ARL13B: variants seen among roughly 807,000 people sequenced by gnomAD.
ARL13B encodes ARF like GTPase 13B.
Under a neutral mutation model 56.1 loss-of-function variants are expected in ARL13B, and 36 were observed. That is an observed-to-expected ratio of 0.64 (90% CI 0.49 to 0.85). ARL13B has a LOEUF of 0.85. Ranked by LOEUF, ARL13B falls within the 40% of genes least tolerant of loss-of-function variation. The pLI is 0.00. For synonymous variants in ARL13B, 178 were observed against 171.1 expected, an observed-to-expected ratio of 1.04 and a Z score of -0.32; for missense variants, 519 against 507.1, an observed-to-expected ratio of 1.02 and a Z score of -0.23.
chr3:93,981,797 C>A (rs1710228463), intron 1 of ARL13B, among the ~76,000 whole-genome samples: 1 of 140,180 alleles, frequency 7.1e-6, no homozygotes, highest in Non-Finnish European at 1.5e-5. Context: ...TCACTTGAGC[C>A]TGGGAGGCGG....
At chr3:94,049,225 C>T (rs1487446636) in intron 7 of ARL13B, among the ~76,000 whole-genome samples, 181 bp from the exon 8 acceptor site, 1 of 152,134 alleles carries the variant, frequency 6.6e-6, no homozygotes, top group African/African-American at 2.4e-5. Context: ...TAAGCCATCA[C>T]TTAAAAAATA....
At chr3:94,022,224 A>C (rs545365068) in intron 3 of ARL13B, among the ~76,000 whole-genome samples, 1 of 152,054 alleles carries the variant, frequency 6.6e-6, no homozygotes, top group East Asian at 1.9e-4. Context: ...CCCTGGTTCA[A>C]GTGATTTCTC....
intron 1 of ARL13B, among the ~76,000 whole-genome samples, chr3:93,992,715 T>G (rs1480809210): frequency 6.6e-6 from 1 of 152,226 alleles, no homozygotes; most frequent in Non-Finnish European, 1.5e-5. Context: ...TGAGTTAGCT[T>G]TAATATTAGC....
chr3:94,035,449 T>TG lies in ARL13B; in HGVS notation c.486+13_486+14insG. The TG allele has an allele frequency of 6.5e-7, 1 of 1,547,578 alleles. No homozygotes were observed. Among genetic ancestry groups the TG allele is most frequent in the South Asian group, 1.2e-5 (1 of 82,182 alleles). On this transcript the variant is annotated intron_variant, in intron 4 of 9. Coordinates refer to ENST00000394222, the MANE Select transcript of ARL13B (RefSeq NM_001174150.2). ...CCTGTGTCAGATAGTAAGGTTTTTT[T>TG]TTTTTTTTTAATTTTAATTTTTTGT...
chr3:94,027,037 G>C (rs2076572170), intron 3 of ARL13B, among the ~76,000 whole-genome samples: 1 of 152,018 alleles, frequency 6.6e-6, no homozygotes. Flanking sequence ...TTAGAAATAT[G>C]CCCTGGGATA....
chr3:94,052,621 T>G (rs1170216382), intron 9 of ARL13B, among the ~76,000 whole-genome samples: 2 of 151,796 alleles, frequency 1.3e-5, no homozygotes, highest in African/African-American at 4.8e-5. Context: ...TTACAGAGAG[T>G]GTTGAAAGTG....
chr3:94,023,484 T>G (rs536120844), intron 3 of ARL13B, among the ~76,000 whole-genome samples: 114 of 152,290 alleles, frequency 7.5e-4, no homozygotes, highest in African/African-American at 2.7e-3. Context: ...GTATTTACGG[T>G]CTTGCTTTTT....
In ARL13B at chr3:94,043,217, C is replaced by T. The variant is rs768379402; in HGVS notation, c.1001C>T (p.Thr334Ile). The T allele has an allele frequency of 5.0e-6, 8 of 1,613,094 alleles. No homozygotes were observed. Among genetic ancestry groups the T allele is most frequent in the South Asian group, 1.1e-5 (1 of 90,942 alleles). ...CAGCAGTTAAAGAATGAAGATGAGA[C>T]AGACCGGCCATCATTGGAATCAGGT... is the stretch of plus-strand genomic sequence containing the variant. Reference protein sequence around the residue: ...LTQQLKNEDETDRPSLESANG... With the variant: ...LTQQLKNEDEIDRPSLESANG... The change falls in exon 7 of 10, where the codon ACA becomes ATA. Residue 334 changes from threonine to isoleucine, a missense_variant. Coordinates refer to ENST00000394222, the MANE Select transcript of ARL13B (RefSeq NM_001174150.2).
intron 1 of ARL13B, among the ~76,000 whole-genome samples, chr3:93,994,956 T>C (rs1402083675): frequency 1.3e-5 from 2 of 152,190 alleles, no homozygotes; most frequent in Non-Finnish European, 2.9e-5. Flanking sequence ...CCATAGGAGA[T>C]TGGCCATACC....
intron 5 of ARL13B, among the ~76,000 whole-genome samples, chr3:94,038,210 G>A (rs1050199934): frequency 8.5e-5 from 13 of 152,244 alleles, no homozygotes; most frequent in Admixed American, 2.6e-4. Flanking sequence ...TTCACAGAGT[G>A]TTCTCACATA....
intron 7 of ARL13B, among the ~76,000 whole-genome samples, chr3:94,049,199 T>G (rs909947011): frequency 6.6e-6 from 1 of 152,198 alleles, no homozygotes; most frequent in Admixed American, 6.5e-5. Flanking sequence ...TATTCATTGC[T>G]CATTCATTCA....
At chr3:94,007,344 G>T (rs2076152056) in intron 3 of ARL13B, among the ~76,000 whole-genome samples, 1 of 152,196 alleles carries the variant, frequency 6.6e-6, no homozygotes, top group South Asian at 2.1e-4. Flanking sequence ...ACAATCTTTA[G>T]TTCTTCTCTA....
chr3:94,039,276 A>G (rs906035293), intron 5 of ARL13B, among the ~76,000 whole-genome samples: 1 of 152,128 alleles, frequency 6.6e-6, no homozygotes, highest in African/African-American at 2.4e-5. Flanking sequence ...AGAGGCAGGC[A>G]GATCACAGGG....
chr3:94,009,119 A>AGATG (rs2076181661), intron 3 of ARL13B, among the ~76,000 whole-genome samples: 1 of 150,044 alleles, frequency 6.7e-6, no homozygotes, highest in East Asian at 1.9e-4. Context: ...ATAGATAGAT[A>AGATG]GATATTCTTG....
At chr3:94,025,146 C>T (rs940935965) in intron 3 of ARL13B, among the ~76,000 whole-genome samples, 1 of 151,512 alleles carries the variant, frequency 6.6e-6, no homozygotes, top group African/African-American at 2.4e-5. Context: ...TAATATCATT[C>T]CCTGAACATG....
At chr3:93,983,941 C>T (rs1710333326) in intron 1 of ARL13B, among the ~76,000 whole-genome samples, 1 of 152,306 alleles carries the variant, frequency 6.6e-6, no homozygotes, top group East Asian at 1.9e-4. Flanking sequence ...AACTTAATTA[C>T]TAATAGCCTC....
intron 3 of ARL13B, among the ~76,000 whole-genome samples, chr3:94,009,074 A>AAGATT (rs2076179558): frequency 1.4e-5 from 2 of 143,868 alleles, no homozygotes; most frequent in Admixed American, 7.0e-5. Context: ...AGGAGCAGTA[A>AAGATT]AGATAGATAG....
Position 93,980,174 on chromosome 3 carries a change from C to T in ARL13B, c.-250C>T, listed in dbSNP as rs1027427383. On this transcript the variant is annotated 5_prime_UTR_variant, in exon 1 of 10. Transcript: ENST00000394222. ...CGCGGGGCTTTTCTTTAGCCGGGTC[C>T]CGCTAACTCGGCTACGGTGTATCTG... 1.8e-5 allele frequency: 12 copies of T among 656,382 alleles called. No homozygotes were observed. Among genetic ancestry groups the T allele is most frequent in the African/African-American group, 5.4e-5 (3 of 55,906 alleles). The allele number at this position is 656,382 out of a possible 1,614,324, so 40.7% of individuals were successfully genotyped here.
rs370248759 is a variant in ARL13B at position 93,988,238 on chromosome 3, GAA to G, written c.60-7622_60-7621del. Among the ~76,000 whole-genome samples, 6 of 119,858 alleles carry G rather than the reference GAA, an allele frequency of 5.0e-5. No homozygotes were observed. The East Asian group carries it at 1.4e-3, about 28-fold the overall frequency. The allele number at this position is 119,858 out of a possible 152,430, so 78.6% of individuals were successfully genotyped here. A position where few individuals can be genotyped will look rare whatever the true frequency, so the allele number is the denominator to read the frequency against. Reference sequence around the variant, plus strand: ...GGTTTTCTTTAGGAAACAATTCTGTGAAAAAAAAAAAAAAACATGGCAATAGA... The same window carrying G: ...GGTTTTCTTTAGGAAACAATTCTGTGAAAAAAAAAAAAACATGGCAATAGA... On this transcript the variant is annotated intron_variant, in intron 1 of 9. Transcript: ENST00000394222.
Sources: allele counts gnomAD v4.1 joint callset (sites outside exome capture counted in the v4.1 genomes callset), GRCh38; gene constraint gnomAD v4.1.1; transcripts MANE v1.5; gene names NCBI Gene and HGNC (gene_info 2026-07-23, HGNC 2026-07-21).